ANKRD17: variants seen among roughly 807,000 people sequenced by gnomAD.
ANKRD17 encodes ankyrin repeat domain-containing protein 17.
In ANKRD17, 19 loss-of-function variants were observed where a neutral mutation model predicts 229.7. The ratio of observed to expected loss-of-function variants is 0.08; its 90% CI spans 0.06 to 0.12. The LOEUF (loss-of-function observed/expected upper bound fraction) is 0.12. ANKRD17 is among the 10% of genes least tolerant of loss of function. The pLI is 1.00. For missense variants in ANKRD17, 2,176 were observed against 3,176.8 expected, an observed-to-expected ratio of 0.68 and a Z score of 7.57; for synonymous variants, 1,112 against 1,146.1, an observed-to-expected ratio of 0.97 and a Z score of 0.60.
At chr4:73,206,300 G>A (rs550933263) in intron 1 of ANKRD17, among the ~76,000 whole-genome samples, 1 of 151,874 alleles carries the variant, frequency 6.6e-6, no homozygotes, top group East Asian at 1.9e-4. Flanking sequence ...CATGTTCACG[G>A]CACCATTGTT....
chr4:73,077,242 A>G, intron 32 of ANKRD17, 113 bp downstream of exon 32: 3 of 1,300,592 alleles, frequency 2.3e-6, no homozygotes, highest in Non-Finnish European at 3.1e-6. Context: ...TCTAAAAATT[A>G]TTACCCATTA....
chr4:73,103,551 T>C (rs1724249576), intron 24 of ANKRD17, among the ~76,000 whole-genome samples: 1 of 152,188 alleles, frequency 6.6e-6, no homozygotes, highest in South Asian at 2.1e-4. Context: ...GGTATGAAAA[T>C]CATCTTCAAA....
At chr4:73,254,315 C>T (rs916378573) in intron 1 of ANKRD17, among the ~76,000 whole-genome samples, 4 of 152,092 alleles carry the variant, frequency 2.6e-5, no homozygotes, top group African/African-American at 7.2e-5. Context: ...ATTTATTTAC[C>T]GGCTCCCTTT....
At chr4:73,229,316 A>T (rs1742817937) in intron 1 of ANKRD17, among the ~76,000 whole-genome samples, 1 of 152,294 alleles carries the variant, frequency 6.6e-6, no homozygotes, top group Middle Eastern at 3.4e-3. Context: ...TTACCCAATT[A>T]ACTGCCTTCT....
At chr4:73,209,000 G>A (rs1739890825) in intron 1 of ANKRD17, among the ~76,000 whole-genome samples, 1 of 152,110 alleles carries the variant, frequency 6.6e-6, no homozygotes, top group African/African-American at 2.4e-5. Flanking sequence ...AAGGTCAGGA[G>A]TTCGAAACCA....
At chr4:73,097,033 A>G (rs1723382050) in intron 27 of ANKRD17, 84 bp downstream of exon 27, 2 of 1,459,728 alleles carry the variant, frequency 1.4e-6, no homozygotes, top group South Asian at 1.4e-5. Context: ...CCTTTAGAAG[A>G]GTAGGAGGAA....
At chr4:73,120,843 G>C (rs750466016) in intron 20 of ANKRD17, 38 bp downstream of exon 20, 21 of 1,567,034 alleles carry the variant, frequency 1.3e-5, no homozygotes, top group Non-Finnish European at 1.8e-5. Context: ...AAATATCAAA[G>C]CAATAAATTC....
intron 21 of ANKRD17, 26 bp from the exon 22 acceptor site, chr4:73,118,876 T>C (rs375138187): frequency 2.0e-5 from 29 of 1,485,474 alleles, no homozygotes; most frequent in Non-Finnish European, 2.5e-5. Flanking sequence ...ACAGATAGCA[T>C]TGTCTTTTTT....
intron 1 of ANKRD17, among the ~76,000 whole-genome samples, chr4:73,219,069 A>C (rs987828640): frequency 4.6e-5 from 7 of 152,202 alleles, no homozygotes; most frequent in Non-Finnish European, 1.0e-4. Flanking sequence ...TCAAACAAAC[A>C]AACCAAACCC....
intron 7 of ANKRD17, among the ~76,000 whole-genome samples, chr4:73,149,787 C>A (rs1022961129): frequency 6.6e-6 from 1 of 152,178 alleles, no homozygotes; most frequent in East Asian, 1.9e-4. Flanking sequence ...ATCATTTGAG[C>A]TCAGGAAGTT....
intron 15 of ANKRD17, among the ~76,000 whole-genome samples, chr4:73,135,875 G>A (rs1728835016): frequency 6.6e-6 from 1 of 152,148 alleles, no homozygotes; most frequent in South Asian, 2.1e-4. Flanking sequence ...TTGCTCATGT[G>A]AAGAATTATT....
chr4:73,118,578 T>C lies in ANKRD17; in HGVS notation c.4188+110A>G, dbSNP rs1726288514. The C allele has an allele frequency of 1.6e-5, 19 of 1,221,082 alleles. No individual in the cohort carries two copies. The South Asian group carries it at 2.4e-4, about 16-fold the overall frequency. The allele number at this position is 1,221,082 out of a possible 1,614,324, so 75.6% of individuals were successfully genotyped here. Reference sequence around the variant, plus strand: ...AGAGTAATTATTTGCATATTATTGCTTTCATCACAGCTGCAAAAGCACAAA... The same window carrying C: ...AGAGTAATTATTTGCATATTATTGCCTTCATCACAGCTGCAAAAGCACAAA... On this transcript the variant is annotated intron_variant, in intron 22 of 33. Transcript: ENST00000358602.
chr4:73,085,475 T>A, intron 29 of ANKRD17, 29 bp from the exon 30 acceptor site: 1 of 1,563,394 alleles, frequency 6.4e-7, no homozygotes, highest in Non-Finnish European at 8.8e-7. Flanking sequence ...TCATAATTTA[T>A]AATAGTTACT....
At chr4:73,077,162 T>C (rs1577971344) in intron 32 of ANKRD17, 58 bp from the exon 33 acceptor site, 3 of 1,483,512 alleles carry the variant, frequency 2.0e-6, no homozygotes, top group Admixed American at 2.4e-5. Context: ...TTTCCCAATA[T>C]AATCAATAGC....
intron 2 of ANKRD17, 54 bp from the exon 3 acceptor site, chr4:73,161,402 A>C: frequency 6.3e-7 from 1 of 1,575,774 alleles, no homozygotes; most frequent in Non-Finnish European, 8.7e-7. Context: ...GAAACAAAGC[A>C]AAATTCAAGT....
chr4:73,086,832 A>T (rs1437699880), intron 29 of ANKRD17, among the ~76,000 whole-genome samples: 1 of 135,414 alleles, frequency 7.4e-6, no homozygotes, highest in Non-Finnish European at 1.5e-5. Flanking sequence ...TGGGAGGCGG[A>T]GGTTGCAGTG....
rs765882970 is a variant in ANKRD17, at chr4:73,097,276, T to C, written c.5022-4A>G. On this transcript the variant is annotated splice_polypyrimidine_tract_variant and splice_region_variant and intron_variant, in intron 26 of 33. Transcript: ENST00000358602. Reference sequence around the variant, plus strand: ...TTCACTGATAGTTTCTGACAATCTTTAACAAAGAGAGGGAAAGTACATTAA... The same window carrying C: ...TTCACTGATAGTTTCTGACAATCTTCAACAAAGAGAGGGAAAGTACATTAA... 2.6e-6 allele frequency: 4 copies of C among 1,568,058 alleles called. No individual in the cohort carries two copies. In the South Asian group the frequency reaches 3.7e-5, roughly 14 times the overall value.
chr4:73,141,968 A>G, intron 13 of ANKRD17, 125 bp from the exon 14 acceptor site: 1 of 884,306 alleles, frequency 1.1e-6, no homozygotes, highest in Non-Finnish European at 1.7e-6. Context: ...AGACAATGAC[A>G]TATTTACTTA....
chr4:73,111,546 A>T lies in ANKRD17; in HGVS notation c.4401+2246T>A, dbSNP rs527922439. On this transcript the variant is annotated intron_variant, in intron 24 of 33. Coordinates refer to ENST00000358602, the MANE Select transcript of ANKRD17 (RefSeq NM_032217.5). ...GGAAAGCAAAACCACAAATAAAGGG[A>T]CTACTATATGTTGACCCACATGAAG... is the stretch of plus-strand genomic sequence containing the variant. 1.9e-4 allele frequency among the ~76,000 whole-genome samples: 29 copies of T among 152,326 alleles called. 1 individual carries two copies. The South Asian group carries it at 5.8e-3, about 30-fold the overall frequency.
Sources: gnomAD v4.1 joint callset for allele counts (sites outside exome capture counted in the v4.1 genomes callset) on GRCh38, gnomAD v4.1.1 for gene constraint, MANE v1.5 for transcripts, NCBI Gene and HGNC (gene_info 2026-07-23, HGNC 2026-07-21) for gene names.